ICA1: variants seen among roughly 807,000 people sequenced by gnomAD.
ICA1 encodes islet cell autoantigen 1, also known as 69 kDa islet cell autoantigen.
In ICA1, 40 loss-of-function variants were observed where a neutral mutation model predicts 71.0. The ratio of observed to expected loss-of-function variants is 0.56; its 90% CI spans 0.44 to 0.73. The LOEUF is 0.73. ICA1 is among the 30% of genes least tolerant of loss of function. ICA1 has a pLI of 0.00. For synonymous variants in ICA1, 207 were observed against 209.5 expected, an observed-to-expected ratio of 0.99 and a Z score of 0.10; for missense variants, 578 against 576.5, an observed-to-expected ratio of 1.00 and a Z score of -0.03.
intron 6 of ICA1, among the ~76,000 whole-genome samples, chr7:8,194,675 T>C (rs1204026169): frequency 6.6e-6 from 1 of 152,216 alleles, no homozygotes; most frequent in Non-Finnish European, 1.5e-5. Context: ...TCAGACAGCA[T>C]TTATTTGCTC....
chr7:8,207,661 G>A (rs1192544411), intron 6 of ICA1, among the ~76,000 whole-genome samples: 1 of 152,196 alleles, frequency 6.6e-6, no homozygotes, highest in Non-Finnish European at 1.5e-5. Context: ...GCTGAGAATT[G>A]TGCACATTTT....
rs1791195847 is a variant in ICA1, at chr7:8,130,859, A to C, written c.1061-2717T>G. ...TTAGGTTTTGTGCTATGGTGTTTAT[A>C]ATGGACTTTGGTGGTTTTTGCTAAC... On this transcript the variant is annotated intron_variant, in intron 12 of 13. Coordinates refer to ENST00000402384, the MANE Select transcript of ICA1 (RefSeq NM_001136020.3). The surrounding 1 kb of genome is among the most constrained non-coding windows in gnomAD (Gnocchi z 4.2). Among the ~76,000 whole-genome samples the C allele has an allele frequency of 6.6e-6, 1 of 152,192 alleles. No homozygotes were observed. The highest frequency in any genetic ancestry group is 1.5e-5 in the Non-Finnish European group (1 of 68,022).
In ICA1 at chr7:8,113,752, T is replaced by C; in HGVS notation, c.*171A>G. On this transcript the variant is annotated 3_prime_UTR_variant, in exon 14 of 14. Coordinates refer to ENST00000402384, the MANE Select transcript of ICA1 (RefSeq NM_001136020.3). The surrounding 1 kb of genome is among the most constrained non-coding windows in gnomAD (Gnocchi z 4.2). ...CATAGAGATACACGAAAACCCTTTA[T>C]ACCAAATAAGAGTAAATAATTATAC... 2 of 670,058 alleles carry C rather than the reference T, an allele frequency of 3.0e-6. No homozygotes were observed. Among genetic ancestry groups the C allele is most frequent in the Non-Finnish European group, 5.0e-6 (2 of 403,742 alleles). The allele number at this position is 670,058 out of a possible 1,614,324, so 41.5% of individuals were successfully genotyped here. A position where few individuals can be genotyped will look rare whatever the true frequency, so the allele number is the denominator to read the frequency against.
chr7:8,208,700 A>G (rs763133852), intron 6 of ICA1, among the ~76,000 whole-genome samples: 1 of 152,210 alleles, frequency 6.6e-6, no homozygotes, highest in Non-Finnish European at 1.5e-5. Context: ...CTACCTGAAC[A>G]TGGTAATTTT....
At chr7:8,116,088 C>A (rs1343168525) in intron 13 of ICA1, among the ~76,000 whole-genome samples, 1 of 152,174 alleles carries the variant, frequency 6.6e-6, no homozygotes, top group Non-Finnish European at 1.5e-5. Flanking sequence ...AATGTAATTT[C>A]TGGGATTATG....
At chr7:8,256,130 C>T (rs575338396) in intron 1 of ICA1, among the ~76,000 whole-genome samples, 3 of 152,142 alleles carry the variant, frequency 2.0e-5, no homozygotes, top group African/African-American at 4.8e-5. Flanking sequence ...TCTTAAAAAG[C>T]GATTGAATGC....
intron 6 of ICA1, among the ~76,000 whole-genome samples, chr7:8,211,330 C>T (rs1793721188): frequency 6.6e-6 from 1 of 152,178 alleles, no homozygotes; most frequent in South Asian, 2.1e-4. Flanking sequence ...GACTCATGCC[C>T]TCTAAAACTC....
chr7:8,133,564 G>A (rs1170513965), intron 12 of ICA1, among the ~76,000 whole-genome samples: 1 of 152,206 alleles, frequency 6.6e-6, no homozygotes, highest in Non-Finnish European at 1.5e-5. Context: ...CCAGGTGCCA[G>A]TATTCTGTTT....
rs891713463 is a variant in ICA1 at position 8,130,836 on chromosome 7, A to T, written c.1061-2694T>A. Among the ~76,000 whole-genome samples, 1 of 152,222 alleles carries T rather than the reference A, an allele frequency of 6.6e-6. No individual in the cohort carries two copies. Reference sequence around the variant, plus strand: ...AGCTCCATCTTTGTTTTTATTGTTTAGGTTTTGTGCTATGGTGTTTATAAT... The same window carrying T: ...AGCTCCATCTTTGTTTTTATTGTTTTGGTTTTGTGCTATGGTGTTTATAAT... On this transcript the variant is annotated intron_variant, in intron 12 of 13. Transcript: ENST00000402384. This position sits in a 1 kb window ranked among gnomAD's most constrained non-coding sequence, Gnocchi z 4.2.
intron 6 of ICA1, among the ~76,000 whole-genome samples, chr7:8,163,864 T>G (rs1443062267): frequency 3.3e-5 from 5 of 152,158 alleles, no homozygotes; most frequent in Non-Finnish European, 7.3e-5. Context: ...CAGCACCTTG[T>G]TGGCGTGCTC....
chr7:8,200,831 A>G (rs963827660), intron 6 of ICA1, among the ~76,000 whole-genome samples: 4 of 152,198 alleles, frequency 2.6e-5, no homozygotes, highest in African/African-American at 9.6e-5. Context: ...TTCATAATTT[A>G]TCATTCTTTT....
At chr7:8,158,158 A>G (rs557197809) in intron 7 of ICA1, among the ~76,000 whole-genome samples, 2 of 152,344 alleles carry the variant, frequency 1.3e-5, no homozygotes, top group East Asian at 1.9e-4. Context: ...AAGATATGCC[A>G]CGAGATGGAC....
At position 8,244,754 on chromosome 7, in the gene ICA1, G is replaced by C. The variant is rs1805329943; in HGVS notation, c.-79-8749C>G. On this transcript the variant is annotated intron_variant, in intron 1 of 13. Transcript: ENST00000402384. ...CCATCAAAAAGTGGGCAAAGGATAT[G>C]AACAGACACTTCACAAAAGAATACA... Among the ~76,000 whole-genome samples, 3 of 152,270 alleles carry C rather than the reference G, an allele frequency of 2.0e-5. 1 individual carries two copies. The South Asian group carries it at 6.2e-4, about 32-fold the overall frequency.
chr7:8,244,756 A>G (rs1345068699), intron 1 of ICA1, among the ~76,000 whole-genome samples: 1 of 152,234 alleles, frequency 6.6e-6, no homozygotes, highest in Non-Finnish European at 1.5e-5. Flanking sequence ...AAGGATATGA[A>G]CAGACACTTC....
chr7:8,141,913 C>T, intron 9 of ICA1, 96 bp from the exon 10 acceptor site: 1 of 1,281,636 alleles, frequency 7.8e-7, no homozygotes, highest in Non-Finnish European at 1.1e-6. Context: ...ACTTTTAACA[C>T]AAACACATAC....
At chr7:8,246,413 G>T (rs888153808) in intron 1 of ICA1, among the ~76,000 whole-genome samples, 3 of 152,224 alleles carry the variant, frequency 2.0e-5, no homozygotes, top group African/African-American at 4.8e-5. Flanking sequence ...TGGTGAGGAG[G>T]AGGCTCTGTG....
intron 1 of ICA1, 21 bp downstream of exon 1, chr7:8,262,073 C>T (rs987043423): frequency 6.6e-6 from 1 of 152,216 alleles, no homozygotes; most frequent in Non-Finnish European, 1.5e-5. Context: ...CGCCCCCGCC[C>T]CGACCCCGGA....
chr7:8,138,817 C>A, intron 12 of ICA1, 23 bp downstream of exon 12: 2 of 1,538,744 alleles, frequency 1.3e-6, no homozygotes, highest in Non-Finnish European at 1.8e-6. Flanking sequence ...AATCATAATC[C>A]CAAAGAAACA....
rs1033316532 is a variant in ICA1 at position 8,234,406 on chromosome 7, C to A, written c.17+1504G>T. On this transcript the variant is annotated intron_variant, in intron 2 of 13. Transcript: ENST00000402384. The surrounding 1 kb of genome is among the most constrained non-coding windows in gnomAD (Gnocchi z 4.5). ...TCCCTGCCCCAAAGGCTCCCCTGACCCCCCCAGGCAACTCTCCTCTGTGGA... is the reference window on the plus strand; with the variant it reads ...TCCCTGCCCCAAAGGCTCCCCTGACACCCCCAGGCAACTCTCCTCTGTGGA... 6.6e-6 allele frequency among the ~76,000 whole-genome samples: 1 copy of A among 152,096 alleles called. No individual in the cohort carries two copies. Among genetic ancestry groups the A allele is most frequent in the East Asian group, 1.9e-4 (1 of 5,188 alleles).
Sources: allele counts gnomAD v4.1 joint callset (sites outside exome capture counted in the v4.1 genomes callset), GRCh38; gene constraint gnomAD v4.1.1; non-coding constraint Gnocchi (gnomAD v3.1); transcripts MANE v1.5; gene names NCBI Gene and HGNC (gene_info 2026-07-23, HGNC 2026-07-21).